The following COLEC12 variants were observed in gnomAD, a reference collection of about 807,000 sequenced individuals.
COLEC12 encodes collectin subfamily member 12, also known as collectin-12.
A neutral mutation model predicts 71.1 loss-of-function variants in COLEC12; 33 were observed. The ratio of observed to expected loss-of-function variants is 0.46; its 90% CI spans 0.35 to 0.62. The LOEUF (loss-of-function observed/expected upper bound fraction) is 0.62. COLEC12 is among the 20% of genes least tolerant of loss of function. The pLI is 0.00. For synonymous variants in COLEC12, 350 were observed against 353.0 expected (o/e 0.99, Z 0.10); for missense variants, 765 against 916.1 (o/e 0.84, Z 2.13).
chr18:344,111 G>T (rs1346780626), intron 5 of COLEC12, among the ~76,000 whole-genome samples: 1 of 151,964 alleles, frequency 6.6e-6, no homozygotes, highest in Non-Finnish European at 1.5e-5. Flanking sequence ...ACCATGATAA[G>T]ATTGTCTAAG....
chr18:443,166 TTC>T (rs1916578886), intron 2 of COLEC12, among the ~76,000 whole-genome samples: 1 of 152,246 alleles, frequency 6.6e-6, no homozygotes, highest in Non-Finnish European at 1.5e-5. Flanking sequence ...TATGTATATA[TTC>T]TCTTTCCAAT....
chr18:430,961 A>C (rs1916291296), intron 2 of COLEC12, among the ~76,000 whole-genome samples: 1 of 152,104 alleles, frequency 6.6e-6, no homozygotes, highest in Admixed American at 6.6e-5. Context: ...ACATATAGGA[A>C]CTATGGCTGT....
At chr18:403,097 G>A (rs558373749) in intron 2 of COLEC12, among the ~76,000 whole-genome samples, 2 of 152,172 alleles carry the variant, frequency 1.3e-5, no homozygotes, top group Non-Finnish European at 2.9e-5. Context: ...AGTGCAAACC[G>A]GCTCAAGTGG....
chr18:351,333 C>A (rs1914516693), intron 3 of COLEC12, among the ~76,000 whole-genome samples: 1 of 151,788 alleles, frequency 6.6e-6, no homozygotes, highest in Non-Finnish European at 1.5e-5. Flanking sequence ...ATTTGCTCTT[C>A]AAGACTCTGC....
At chr18:445,742 T>C (rs1327190104) in intron 2 of COLEC12, among the ~76,000 whole-genome samples, 2 of 151,712 alleles carry the variant, frequency 1.3e-5, no homozygotes, top group Non-Finnish European at 2.9e-5. Context: ...AAGTGATTCC[T>C]TTGCCTCAGC....
intron 2 of COLEC12, among the ~76,000 whole-genome samples, chr18:471,651 T>C (rs1434330968): frequency 6.6e-6 from 1 of 151,034 alleles, no homozygotes; most frequent in Non-Finnish European, 1.5e-5. Flanking sequence ...TATCAGATTA[T>C]ATAAATAATA....
At chr18:341,557 C>T (rs746281946) in intron 5 of COLEC12, among the ~76,000 whole-genome samples, 2 of 152,190 alleles carry the variant, frequency 1.3e-5, no homozygotes, top group Admixed American at 6.5e-5. Flanking sequence ...TCATCCTTAA[C>T]CCCACCTGTG....
At chr18:451,966 A>G (rs1916771000) in intron 2 of COLEC12, among the ~76,000 whole-genome samples, 1 of 152,228 alleles carries the variant, frequency 6.6e-6, no homozygotes, top group South Asian at 2.1e-4. Context: ...AAGGCATTTC[A>G]GAGAACTTTG....
At position 481,912 on chromosome 18, in the gene COLEC12, T is replaced by C. The variant is rs149776594; in HGVS notation, c.8-1155A>G. Among the ~76,000 whole-genome samples the C allele has an allele frequency of 2.2e-3, 332 of 152,236 alleles. 3 individuals carry two copies. The highest frequency in any genetic ancestry group is 7.4e-3 in the African/African-American group (307 of 41,542). The stretch of plus-strand genomic sequence containing the variant: ...TGCACAACTAAAGGACACTTTTTTT[T>C]TTCTTTCCAAATTTTATTTTAGGTT... On this transcript the variant is annotated intron_variant, in intron 1 of 9. Transcript: ENST00000400256.
intron 5 of COLEC12, among the ~76,000 whole-genome samples, chr18:340,153 C>G (rs1050695998): frequency 6.9e-5 from 10 of 144,946 alleles, no homozygotes. Context: ...GTTGAGAAAA[C>G]AGCAACGCCG....
At chr18:468,129 T>G (rs1427759597) in intron 2 of COLEC12, among the ~76,000 whole-genome samples, 1 of 151,778 alleles carries the variant, frequency 6.6e-6, no homozygotes, top group African/African-American at 2.4e-5. Context: ...GGTTGTGGTG[T>G]CATGTGCCTG....
At chr18:321,031 G>A (rs574975544) in intron 9 of COLEC12, among the ~76,000 whole-genome samples, 11 of 152,264 alleles carry the variant, frequency 7.2e-5, no homozygotes, top group South Asian at 2.1e-4. Flanking sequence ...GGATGTCTAC[G>A]GAAAAGAACT....
chr18:468,867 T>G (rs1917138691), intron 2 of COLEC12, among the ~76,000 whole-genome samples: 1 of 152,254 alleles, frequency 6.6e-6, no homozygotes, highest in South Asian at 2.1e-4. Flanking sequence ...GGAGGTACAT[T>G]TTAATCTATC....
At position 346,530 on chromosome 18, in the gene COLEC12, T is replaced by C. The variant is rs1225320684; in HGVS notation, c.1092A>G (p.Leu364=). 1 of 1,614,188 alleles carries C rather than the reference T, an allele frequency of 6.2e-7. No individual in the cohort carries two copies. The highest frequency in any genetic ancestry group is 8.5e-7 in the Non-Finnish European group (1 of 1,180,030). Residue 364 remains leucine, a synonymous_variant, in exon 5 of 10, where the codon CTA becomes CTG. Coordinates refer to ENST00000400256, the MANE Select transcript of COLEC12 (RefSeq NM_130386.3). This position sits in a 1 kb window ranked among gnomAD's most constrained non-coding sequence, Gnocchi z 4.0. Reference sequence around the variant, plus strand: ...CTGTGCAAGTGGTCCTGACTTCATTTAGATTGCTGGTCAGCGTCCGCAGGT... The same window carrying C: ...CTGTGCAAGTGGTCCTGACTTCATTCAGATTGCTGGTCAGCGTCCGCAGGT... The part of the protein sequence containing the change: ...AHHLRTLTSN[L]NEVRTTCTDT...
intron 2 of COLEC12, among the ~76,000 whole-genome samples, chr18:456,533 G>A (rs1412138933): frequency 2.6e-5 from 4 of 152,286 alleles, no homozygotes; most frequent in South Asian, 2.1e-4. Context: ...TGACTTCTGC[G>A]TTACCGACGA....
chr18:340,387 A>G (rs1914223916), intron 5 of COLEC12, among the ~76,000 whole-genome samples: 1 of 152,162 alleles, frequency 6.6e-6, no homozygotes. Context: ...TTGTGCTGTC[A>G]GTGACACCTC....
chr18:321,266 CT>C (rs998882456), intron 9 of COLEC12, among the ~76,000 whole-genome samples: 6 of 152,184 alleles, frequency 3.9e-5, no homozygotes, highest in Admixed American at 2.0e-4. Context: ...GTTGGCCAGA[CT>C]GGTCTCAAAC....
rs960066981 is a variant in COLEC12 at position 362,130 on chromosome 18, G to A, written c.59-4608C>T. Among the ~76,000 whole-genome samples, 3 of 152,152 alleles carry A rather than the reference G, an allele frequency of 2.0e-5. No individual in the cohort carries two copies. The highest frequency in any genetic ancestry group is 4.1e-4 in the South Asian group (2 of 4,826). On this transcript the variant is annotated intron_variant, in intron 2 of 9. Transcript: ENST00000400256. The surrounding 1 kb of genome is among the most constrained non-coding windows in gnomAD (Gnocchi z 4.6). Reference sequence around the variant, plus strand: ...TTCCCCGTGAGCTAGCCCTGTGGCCGCCAGGCATCTGGTGCATGTGGTATT... The same window carrying A: ...TTCCCCGTGAGCTAGCCCTGTGGCCACCAGGCATCTGGTGCATGTGGTATT...
intron 2 of COLEC12, among the ~76,000 whole-genome samples, chr18:392,990 T>C (rs1915494430): frequency 6.6e-6 from 1 of 152,218 alleles, no homozygotes; most frequent in Non-Finnish European, 1.5e-5. Flanking sequence ...AAGAGCCCTG[T>C]TGTAAGAAAT....
Sources: gnomAD v4.1 joint callset for allele counts (sites outside exome capture counted in the v4.1 genomes callset) on GRCh38, gnomAD v4.1.1 for gene constraint, Gnocchi (gnomAD v3.1) non-coding constraint, MANE v1.5 for transcripts, NCBI Gene and HGNC (gene_info 2026-07-23, HGNC 2026-07-21) for gene names.